The following CSPP1 variants were observed in gnomAD, a reference collection of about 807,000 sequenced individuals.
CSPP1 encodes the protein centrosome and spindle pole-associated protein 1.
In CSPP1, 126 loss-of-function variants were observed where a neutral mutation model predicts 164.4. That is an observed-to-expected ratio of 0.77 (90% CI 0.66 to 0.89). The LOEUF is 0.89. Among genes scored for constraint, CSPP1 ranks in the 40% least tolerant of loss-of-function variants. The pLI, the probability that CSPP1 is intolerant of heterozygous loss-of-function variation, is 0.00. For missense variants in CSPP1, 1,395 were observed against 1,449.8 expected, an observed-to-expected ratio of 0.96 and a Z score of 0.61; for synonymous variants, 472 against 476.7, an observed-to-expected ratio of 0.99 and a Z score of 0.13.
At chr8:67,072,250 T>G (rs1806954259) in intron 1 of CSPP1, among the ~76,000 whole-genome samples, 1 of 151,366 alleles carries the variant, frequency 6.6e-6, no homozygotes, top group African/African-American at 2.4e-5. Flanking sequence ...ATTGCGCTAC[T>G]GCACTCCAGC....
At chr8:67,100,162 T>C (rs1813745742) in intron 7 of CSPP1, among the ~76,000 whole-genome samples, 1 of 152,156 alleles carries the variant, frequency 6.6e-6, no homozygotes, top group African/African-American at 2.4e-5. Context: ...TTTTCTTCAA[T>C]GAAAGGTATA....
At chr8:67,104,033 A>C (rs1425916855) in intron 8 of CSPP1, among the ~76,000 whole-genome samples, 1 of 152,104 alleles carries the variant, frequency 6.6e-6, no homozygotes, top group Non-Finnish European at 1.5e-5. Flanking sequence ...TTCTACTTAC[A>C]GTTTTTTATC....
chr8:67,116,963 G>A (rs1468974920), intron 13 of CSPP1, among the ~76,000 whole-genome samples: 1 of 152,110 alleles, frequency 6.6e-6, no homozygotes, highest in South Asian at 2.1e-4. Context: ...ATGGCTTCCT[G>A]ACTCAGGAAT....
At chr8:67,080,392 T>C (rs970950712) in intron 3 of CSPP1, among the ~76,000 whole-genome samples, 60 of 152,260 alleles carry the variant, frequency 3.9e-4, no homozygotes, top group African/African-American at 1.3e-3. Context: ...TAAATTCTTT[T>C]CTGTTAGATA....
intron 3 of CSPP1, among the ~76,000 whole-genome samples, chr8:67,078,095 A>T (rs890550825): frequency 3.9e-5 from 6 of 152,146 alleles, no homozygotes; most frequent in Non-Finnish European, 7.3e-5. Flanking sequence ...GATAATTTTT[A>T]AAAAGTTTAA....
At chr8:67,121,516 A>C (rs1453716450) in intron 15 of CSPP1, among the ~76,000 whole-genome samples, 1 of 152,156 alleles carries the variant, frequency 6.6e-6, no homozygotes, top group Non-Finnish European at 1.5e-5. Context: ...TCCAGGAATA[A>C]ATTCCACTTA....
intron 15 of CSPP1, among the ~76,000 whole-genome samples, chr8:67,126,546 G>C (rs1820107895): frequency 6.6e-6 from 1 of 152,156 alleles, no homozygotes; most frequent in South Asian, 2.1e-4. Context: ...AACTGGTTCT[G>C]TGTGTGTGTG....
intron 30 of CSPP1, among the ~76,000 whole-genome samples, chr8:67,194,783 T>G (rs944757857): frequency 1.3e-5 from 2 of 151,884 alleles, no homozygotes; most frequent in African/African-American, 4.8e-5. Context: ...CAGATAGAAG[T>G]TGCGTACAAT....
At chr8:67,131,816 C>T (rs1359320863) in intron 15 of CSPP1, 135 bp from the exon 16 acceptor site, 1 of 724,450 alleles carries the variant, frequency 1.4e-6, no homozygotes, top group Non-Finnish European at 2.1e-6. Flanking sequence ...TTAAGGATTC[C>T]TCTTTGGCCT....
chr8:67,165,166 C>G (rs1296953066), intron 24 of CSPP1, among the ~76,000 whole-genome samples: 1 of 152,088 alleles, frequency 6.6e-6, no homozygotes, highest in Non-Finnish European at 1.5e-5. Flanking sequence ...CCCCTGTGGT[C>G]CCAGCTACTC....
chr8:67,175,713 A>G, intron 26 of CSPP1: 3 of 533,644 alleles, frequency 5.6e-6, no homozygotes, highest in Non-Finnish European at 1.0e-5. Flanking sequence ...TGACGTCTGC[A>G]TCAGGAACTA....
intron 28 of CSPP1, among the ~76,000 whole-genome samples, chr8:67,180,695 G>A (rs1832790903): frequency 6.6e-6 from 1 of 152,016 alleles, no homozygotes; most frequent in African/African-American, 2.4e-5. Flanking sequence ...TGTTACCATT[G>A]GGGGAAACTG....
intron 28 of CSPP1, among the ~76,000 whole-genome samples, chr8:67,182,415 T>G (rs1257673226): frequency 6.6e-6 from 1 of 152,218 alleles, no homozygotes; most frequent in Non-Finnish European, 1.5e-5. Context: ...TGCTTCCACC[T>G]TTTGGCTGTT....
chr8:67,118,513 A>C, intron 14 of CSPP1, 144 bp downstream of exon 14: 1 of 841,876 alleles, frequency 1.2e-6, no homozygotes, highest in Middle Eastern at 3.2e-4. Context: ...TAAATGCCCT[A>C]TTTTAAAGCC....
At chr8:67,188,125 C>T (rs1380334156) in intron 28 of CSPP1, among the ~76,000 whole-genome samples, 1 of 152,102 alleles carries the variant, frequency 6.6e-6, no homozygotes, top group African/African-American at 2.4e-5. Context: ...AAATTATTTG[C>T]AAAAGACATG....
intron 7 of CSPP1, among the ~76,000 whole-genome samples, chr8:67,100,757 A>T (rs1813898491): frequency 6.7e-6 from 1 of 149,294 alleles, no homozygotes; most frequent in African/African-American, 2.4e-5. Flanking sequence ...TGTTAAAAAA[A>T]TTTGTAATAA....
intron 21 of CSPP1, 97 bp downstream of exon 21, chr8:67,159,234 G>T: frequency 8.7e-7 from 1 of 1,151,386 alleles, no homozygotes; most frequent in Non-Finnish European, 1.2e-6. Flanking sequence ...AAGAGGAGGA[G>T]GTGCTTTTGT....
At chr8:67,094,489 G>A (rs986473036) in intron 6 of CSPP1, among the ~76,000 whole-genome samples, 1 of 151,876 alleles carries the variant, frequency 6.6e-6, no homozygotes, top group Non-Finnish European at 1.5e-5. Flanking sequence ...GGTCAGGCTG[G>A]TCTTGAACTC....
At chr8:67,067,327 A>G (rs1404818048) in intron 1 of CSPP1, among the ~76,000 whole-genome samples, 1 of 152,226 alleles carries the variant, frequency 6.6e-6, no homozygotes, top group Non-Finnish European at 1.5e-5. Context: ...GCTTATATCT[A>G]TATGATAAGC....
Sources: allele counts gnomAD v4.1 joint callset (sites outside exome capture counted in the v4.1 genomes callset), GRCh38; gene constraint gnomAD v4.1.1; transcripts MANE v1.5; gene names NCBI Gene and HGNC (gene_info 2026-07-23, HGNC 2026-07-21).